C9orf40: variants seen among roughly 807,000 people sequenced by gnomAD.
The protein encoded by C9orf40 is chromosome 9 open reading frame 40, also known as uncharacterized protein C9orf40.
In C9orf40, 2 loss-of-function variants were observed where a neutral mutation model predicts 7.9. The observed-to-expected ratio is 0.25, with a 90% confidence interval of 0.10 to 0.80. The LOEUF (loss-of-function observed/expected upper bound fraction) is 0.80, where lower values mean the gene tolerates loss of function less well. C9orf40 is among the 30% of genes least tolerant of loss of function. The pLI is 0.68. For missense variants in C9orf40, 256 were observed against 268.5 expected (o/e 0.95, Z 0.33); for synonymous variants, 113 against 117.6 (o/e 0.96, Z 0.25).
intron 1 of C9orf40, 135 bp from the exon 2 acceptor site, chr9:74,948,341 T>C (rs182416367): frequency 1.3e-5 from 7 of 543,100 alleles, no homozygotes; most frequent in Non-Finnish European, 2.2e-5. Context: ...TTAACAAATA[T>C]ACATTTTAAA....
In C9orf40 at chr9:74,947,539, A is replaced by T. The variant is rs927230245; in HGVS notation, c.*509T>A. 1 of 152,690 alleles carries T rather than the reference A, an allele frequency of 6.5e-6. No homozygotes were observed. Among genetic ancestry groups the T allele is most frequent in the Non-Finnish European group, 1.5e-5 (1 of 68,064 alleles). 9.5% of individuals were successfully genotyped at this position (152,690 alleles called of 1,614,324 possible). A position where few individuals can be genotyped will look rare whatever the true frequency, so the allele number is the denominator to read the frequency against. ...TACTTTACATTTAGAAAGCTCTTTTAAAACAATAGCTTTTACAACAATCCC... is the reference window on the plus strand; with the variant it reads ...TACTTTACATTTAGAAAGCTCTTTTTAAACAATAGCTTTTACAACAATCCC... On this transcript the variant is annotated 3_prime_UTR_variant, in exon 2 of 2. Coordinates refer to ENST00000376854, the MANE Select transcript of C9orf40 (RefSeq NM_017998.3).
chr9:74,952,216 C>CG lies in C9orf40; in HGVS notation c.395dup (p.Arg133AlafsTer13). 1 of 1,195,652 alleles carries CG rather than the reference C, an allele frequency of 8.4e-7. No homozygotes were observed. Among genetic ancestry groups the CG allele is most frequent in the Non-Finnish European group, 1.1e-6 (1 of 951,332 alleles). 74.1% of individuals were successfully genotyped at this position (1,195,652 alleles called of 1,614,324 possible). On this transcript the variant is annotated frameshift_variant, in exon 1 of 2. Transcript: ENST00000376854. LOFTEE classifies it high-confidence loss of function. The surrounding 1 kb of genome is among the most constrained non-coding windows in gnomAD (Gnocchi z 5.4). ...GCGATGCGACCCCCCAGTCTCCCCG[C>CG]GGGGGTCCTGCGCGCCCCGCCCCGT...
Position 74,952,711 on chromosome 9 carries a change from G to A in C9orf40, c.-100C>T, listed in dbSNP as rs1367587907. ...GGACTGAGCGCGTGAGAGAGGGACA[G>A]GCCGAAGTCGGGCGAGGAGGCGACA... On this transcript the variant is annotated 5_prime_UTR_variant, in exon 1 of 2. Coordinates refer to ENST00000376854, the MANE Select transcript of C9orf40 (RefSeq NM_017998.3). This position sits in a 1 kb window ranked among gnomAD's most constrained non-coding sequence, Gnocchi z 5.4. The A allele has an allele frequency of 3.2e-5, 37 of 1,155,698 alleles. No individual in the cohort carries two copies. The highest frequency in any genetic ancestry group is 4.4e-5 in the Non-Finnish European group (37 of 844,692). The allele number at this position is 1,155,698 out of a possible 1,614,324, so 71.6% of individuals were successfully genotyped here. A position where few individuals can be genotyped will look rare whatever the true frequency, so the allele number is the denominator to read the frequency against.
rs117468881 is a variant in C9orf40 at position 74,949,328 on chromosome 9, C to T, written c.427-1122G>A. On this transcript the variant is annotated intron_variant, in intron 1 of 1. Transcript: ENST00000376854. ...TCGCTTGAGCCCCAGAGTTTGAGACCAGCCCTGGCAACAAAGCAAGACTCC... is the reference window on the plus strand; with the variant it reads ...TCGCTTGAGCCCCAGAGTTTGAGACTAGCCCTGGCAACAAAGCAAGACTCC... Among the ~76,000 whole-genome samples, 1,121 of 152,190 alleles carry T rather than the reference C, an allele frequency of 7.4e-3. 19 individuals carry two copies. Among genetic ancestry groups the T allele is most frequent in the Non-Finnish European group, 5.9e-3 (400 of 68,006 alleles).
At position 74,952,153 on chromosome 9, in the gene C9orf40, T is replaced by C; in HGVS notation, c.426+33A>G. On this transcript the variant is annotated intron_variant, in intron 1 of 1. Coordinates refer to ENST00000376854, the MANE Select transcript of C9orf40 (RefSeq NM_017998.3). This position sits in a 1 kb window ranked among gnomAD's most constrained non-coding sequence, Gnocchi z 5.4. ...GTGTGTGGGGAAAAGGCAAGCCCCTTCGCCCCTCAGCCCACCCGCCCCCAG... is the reference window on the plus strand; with the variant it reads ...GTGTGTGGGGAAAAGGCAAGCCCCTCCGCCCCTCAGCCCACCCGCCCCCAG... 1.5e-6 allele frequency: 1 copy of C among 647,110 alleles called. No individual in the cohort carries two copies. The highest frequency in any genetic ancestry group is 2.2e-6 in the Non-Finnish European group (1 of 457,838). The allele number at this position is 647,110 out of a possible 1,614,324, so 40.1% of individuals were successfully genotyped here.
intron 1 of C9orf40, among the ~76,000 whole-genome samples, chr9:74,948,866 G>A (rs1204566323): frequency 6.6e-6 from 1 of 151,990 alleles, no homozygotes; most frequent in African/African-American, 2.4e-5. Flanking sequence ...AGTTTTGGGG[G>A]AATTTCTTAA....
At chr9:74,948,618 G>A (rs1425468668) in intron 1 of C9orf40, among the ~76,000 whole-genome samples, 4 of 152,044 alleles carry the variant, frequency 2.6e-5, no homozygotes, top group Non-Finnish European at 5.9e-5. Flanking sequence ...TTAAGGTCTG[G>A]TATTTTAGGA....
chr9:74,947,893 A>T lies in C9orf40; in HGVS notation c.*155T>A. The T allele has an allele frequency of 4.4e-6, 3 of 684,490 alleles. No individual in the cohort carries two copies. 42.4% of individuals were successfully genotyped at this position (684,490 alleles called of 1,614,324 possible). A position where few individuals can be genotyped will look rare whatever the true frequency, so the allele number is the denominator to read the frequency against. Reference sequence around the variant, plus strand: ...ATCCTTATTAAGAGGTTCAGTAGTAACTGTAGGTATTTAATGTCAGAACAA... The same window carrying T: ...ATCCTTATTAAGAGGTTCAGTAGTATCTGTAGGTATTTAATGTCAGAACAA... On this transcript the variant is annotated 3_prime_UTR_variant, in exon 2 of 2. Coordinates refer to ENST00000376854, the MANE Select transcript of C9orf40 (RefSeq NM_017998.3).
In C9orf40 at chr9:74,948,219, AAG is replaced by A. The variant is rs1275833306; in HGVS notation, c.427-15_427-14del. On this transcript the variant is annotated splice_polypyrimidine_tract_variant and intron_variant, in intron 1 of 1. Transcript: ENST00000376854. ...ATTCTTCATTGTGCTTTAGAGAAAA[AAG>A]AGAGATCAAAGAGCATCAATAGCTT... 8.2e-6 allele frequency: 13 copies of A among 1,593,120 alleles called. No individual in the cohort carries two copies. The highest frequency in any genetic ancestry group is 1.1e-5 in the Non-Finnish European group (13 of 1,168,804).
At position 74,947,894 on chromosome 9, in the gene C9orf40, C is replaced by G; in HGVS notation, c.*154G>C. Reference sequence around the variant, plus strand: ...TCCTTATTAAGAGGTTCAGTAGTAACTGTAGGTATTTAATGTCAGAACAAT... The same window carrying G: ...TCCTTATTAAGAGGTTCAGTAGTAAGTGTAGGTATTTAATGTCAGAACAAT... On this transcript the variant is annotated 3_prime_UTR_variant, in exon 2 of 2. Coordinates refer to ENST00000376854, the MANE Select transcript of C9orf40 (RefSeq NM_017998.3). 1 of 692,780 alleles carries G rather than the reference C, an allele frequency of 1.4e-6. No individual in the cohort carries two copies. The highest frequency in any genetic ancestry group is 2.4e-6 in the Non-Finnish European group (1 of 416,230). The allele number at this position is 692,780 out of a possible 1,614,324, so 42.9% of individuals were successfully genotyped here. A position where few individuals can be genotyped will look rare whatever the true frequency, so the allele number is the denominator to read the frequency against.
rs1417381375 is a variant in C9orf40 at position 74,947,724 on chromosome 9, G to T, written c.*324C>A. ...TTTGGTGCAGATAGGAGGAATATTT[G>T]AGTTTTTCCCACCTATTTCTAAAAC... is the stretch of plus-strand genomic sequence containing the variant. On this transcript the variant is annotated 3_prime_UTR_variant, in exon 2 of 2. Coordinates refer to ENST00000376854, the MANE Select transcript of C9orf40 (RefSeq NM_017998.3). 1 of 183,218 alleles carries T rather than the reference G, an allele frequency of 5.5e-6. No individual in the cohort carries two copies. The highest frequency in any genetic ancestry group is 1.1e-5 in the Non-Finnish European group (1 of 88,728). The allele number at this position is 183,218 out of a possible 1,614,324, so 11.3% of individuals were successfully genotyped here.
In C9orf40 at chr9:74,952,895, C is replaced by T. The variant is rs1564081365; in HGVS notation, c.-284G>A. 5 of 409,220 alleles carry T rather than the reference C, an allele frequency of 1.2e-5. No individual in the cohort carries two copies. The highest frequency in any genetic ancestry group is 8.7e-6 in the Non-Finnish European group (2 of 228,594). The allele number at this position is 409,220 out of a possible 1,614,324, so 25.3% of individuals were successfully genotyped here. A position where few individuals can be genotyped will look rare whatever the true frequency, so the allele number is the denominator to read the frequency against. ...GGCGGAGATTCGAACCTGCGCACAA[C>T]GTGCGCGCGCGCACTCTGTCTGGCC... On this transcript the variant is annotated 5_prime_UTR_variant, in exon 1 of 2. Coordinates refer to ENST00000376854, the MANE Select transcript of C9orf40 (RefSeq NM_017998.3). The surrounding 1 kb of genome is among the most constrained non-coding windows in gnomAD (Gnocchi z 5.4).
At chr9:74,949,848 G>A (rs773607581) in intron 1 of C9orf40, among the ~76,000 whole-genome samples, 1 of 152,130 alleles carries the variant, frequency 6.6e-6, no homozygotes, top group African/African-American at 2.4e-5. Flanking sequence ...CAAAAAGAAG[G>A]AATAGGAGTG....
chr9:74,952,566 A>G lies in C9orf40; in HGVS notation c.46T>C (p.Trp16Arg). 1 of 1,586,672 alleles carries G rather than the reference A, an allele frequency of 6.3e-7. No individual in the cohort carries two copies. Among genetic ancestry groups the G allele is most frequent in the Non-Finnish European group, 8.5e-7 (1 of 1,175,724 alleles). ...AAEPVTFHVP[W>R]KRLLLCDFAE... is the part of the protein sequence containing the mutation. ...AAGTCGCAAAGCAGGAGCCGCTTCC[A>G]AGGCACGTGGAACGTCACCGGCTCG... The change falls in exon 1 of 2, where the codon TGG becomes CGG. Residue 16 changes from tryptophan to arginine, a missense_variant. By Grantham distance (101) the Trp-to-Arg change is moderately radical (BLOSUM62 -3). Coordinates refer to ENST00000376854, the MANE Select transcript of C9orf40 (RefSeq NM_017998.3). The surrounding 1 kb of genome is among the most constrained non-coding windows in gnomAD (Gnocchi z 5.4).
rs1047750913 is a variant in C9orf40 at position 74,947,362 on chromosome 9, A to T, written c.*686T>A. 5 of 152,688 alleles carry T rather than the reference A, an allele frequency of 3.3e-5. No individual in the cohort carries two copies. Among genetic ancestry groups the T allele is most frequent in the East Asian group, 3.9e-4 (2 of 5,190 alleles). The allele number at this position is 152,688 out of a possible 1,614,324, so 9.5% of individuals were successfully genotyped here. A position where few individuals can be genotyped will look rare whatever the true frequency, so the allele number is the denominator to read the frequency against. On this transcript the variant is annotated 3_prime_UTR_variant, in exon 2 of 2. Coordinates refer to ENST00000376854, the MANE Select transcript of C9orf40 (RefSeq NM_017998.3). ...AACCAAGAAGCTGATTATACAATAA[A>T]TTTTTTCCTCTAATCCTGGGAAAAC...
Position 74,952,229 on chromosome 9 carries a change from C to T in C9orf40, c.383G>A (p.Arg128His). The change falls in exon 1 of 2, where the codon CGC (arginine) becomes CAC (histidine). Residue 128 changes from arginine to histidine, a missense_variant. Arg to His is a conservative substitution (Grantham distance 29). Coordinates refer to ENST00000376854, the MANE Select transcript of C9orf40 (RefSeq NM_017998.3). This position sits in a 1 kb window ranked among gnomAD's most constrained non-coding sequence, Gnocchi z 5.4. ...PGGGGDDGAGRAGPPRGDWGV... is the reference protein window; with the variant it reads ...PGGGGDDGAGHAGPPRGDWGV... ...CCAGTCTCCCCGCGGGGGTCCTGCGCGCCCCGCCCCGTCGTCGCCACCGCC... is the reference window on the plus strand; with the variant it reads ...CCAGTCTCCCCGCGGGGGTCCTGCGTGCCCCGCCCCGTCGTCGCCACCGCC... 8.1e-7 allele frequency: 1 copy of T among 1,239,994 alleles called. No homozygotes were observed. The highest frequency in any genetic ancestry group is 1.0e-6 in the Non-Finnish European group (1 of 990,304). The allele number at this position is 1,239,994 out of a possible 1,614,324, so 76.8% of individuals were successfully genotyped here.
rs1165222724 is a variant in C9orf40, at chr9:74,947,194, T to G, written c.*854A>C. ...ACAGGACAGGTGTTTAAAAAAATAG[T>G]TATATCCAAGACCCACCTCAGAACT... On this transcript the variant is annotated 3_prime_UTR_variant, in exon 2 of 2. Transcript: ENST00000376854. 1 of 152,618 alleles carries G rather than the reference T, an allele frequency of 6.6e-6. No homozygotes were observed. Among genetic ancestry groups the G allele is most frequent in the Non-Finnish European group, 1.5e-5 (1 of 68,034 alleles). 9.5% of individuals were successfully genotyped at this position (152,618 alleles called of 1,614,324 possible).
Position 74,947,532 on chromosome 9 carries a change from C to T in C9orf40, c.*516G>A, listed in dbSNP as rs1400414892. The T allele has an allele frequency of 6.6e-6, 1 of 152,616 alleles. No individual in the cohort carries two copies. The highest frequency in any genetic ancestry group is 1.5e-5 in the Non-Finnish European group (1 of 68,048). The allele number at this position is 152,616 out of a possible 1,614,324, so 9.5% of individuals were successfully genotyped here. A position where few individuals can be genotyped will look rare whatever the true frequency, so the allele number is the denominator to read the frequency against. ...TTATCACTACTTTACATTTAGAAAGCTCTTTTAAAACAATAGCTTTTACAA... is the reference window on the plus strand; with the variant it reads ...TTATCACTACTTTACATTTAGAAAGTTCTTTTAAAACAATAGCTTTTACAA... On this transcript the variant is annotated 3_prime_UTR_variant, in exon 2 of 2. Coordinates refer to ENST00000376854, the MANE Select transcript of C9orf40 (RefSeq NM_017998.3).
At position 74,952,194 on chromosome 9, in the gene C9orf40, A is replaced by C; in HGVS notation, c.418T>G (p.Ser140Ala). Reference protein sequence around the residue: ...GPPRGDWGVASRQHNEEFWQY... With the variant: ...GPPRGDWGVAARQHNEEFWQY... ...CCGCCCCCAGCCCCTACCTGGCGCG[A>C]TGCGACCCCCCAGTCTCCCCGCGGG... The change falls in exon 1 of 2, where the codon TCG becomes GCG. Residue 140 changes from serine to alanine, a missense_variant. Physicochemically the swap from Ser to Ala is moderately conservative, Grantham distance 99. Transcript: ENST00000376854. The surrounding 1 kb of genome is among the most constrained non-coding windows in gnomAD (Gnocchi z 5.4). 1 of 243,450 alleles carries C rather than the reference A, an allele frequency of 4.1e-6. No individual in the cohort carries two copies. The highest frequency in any genetic ancestry group is 6.3e-6 in the Non-Finnish European group (1 of 159,964). The allele number at this position is 243,450 out of a possible 1,614,324, so 15.1% of individuals were successfully genotyped here. A position where few individuals can be genotyped will look rare whatever the true frequency, so the allele number is the denominator to read the frequency against.
Sources: gnomAD v4.1 joint callset for allele counts (sites outside exome capture counted in the v4.1 genomes callset) on GRCh38, gnomAD v4.1.1 for gene constraint, Gnocchi (gnomAD v3.1) non-coding constraint, MANE v1.5 for transcripts, NCBI Gene and HGNC (gene_info 2026-07-23, HGNC 2026-07-21) for gene names.